PTPRD: variants seen among roughly 807,000 people sequenced by gnomAD.
The protein encoded by PTPRD is protein tyrosine phosphatase receptor type D.
PTPRD carries 34 observed loss-of-function variants against 214.5 expected under a neutral mutation model. That is an observed-to-expected ratio of 0.16 (90% CI 0.12 to 0.21). The LOEUF is 0.21. Ranked by LOEUF, PTPRD falls within the 10% of genes least tolerant of loss-of-function variation. The probability of loss-of-function intolerance (pLI) is 1.00; values close to 1 mark genes in which losing one functional copy is unlikely to be tolerated. For synonymous variants in PTPRD, 1,128 were observed against 845.7 expected (o/e 1.33, Z -5.79); for missense variants, 2,545 against 2,398.7 (o/e 1.06, Z -1.27).
intron 10 of PTPRD, among the ~76,000 whole-genome samples, chr9:9,042,343 C>T (rs1241190432): frequency 6.6e-6 from 1 of 152,142 alleles, no homozygotes; most frequent in Non-Finnish European, 1.5e-5. Context: ...CTAGGTCAAC[C>T]ACTATGGCTG....
In PTPRD at chr9:10,524,971, G is replaced by T. The variant is rs540745597; in HGVS notation, c.-600+87427C>A. 2.6e-5 allele frequency among the ~76,000 whole-genome samples: 4 copies of T among 151,552 alleles called. No individual in the cohort carries two copies. In the South Asian group the frequency reaches 8.3e-4, roughly 32 times the overall value. Reference sequence around the variant, plus strand: ...GTAATATATTCTTGGTGGGCTCATAGTAGGGTAGATCACAACACTAAGACC... The same window carrying T: ...GTAATATATTCTTGGTGGGCTCATATTAGGGTAGATCACAACACTAAGACC... On this transcript the variant is annotated intron_variant, in intron 2 of 45. Transcript: ENST00000381196.
At chr9:8,867,647 G>A (rs1371682285) in intron 11 of PTPRD, among the ~76,000 whole-genome samples, 1 of 152,234 alleles carries the variant, frequency 6.6e-6, no homozygotes, top group African/African-American at 2.4e-5. Context: ...GTGCTGGGTA[G>A]TGATGAGAAA....
rs571410964 is a variant in PTPRD at position 10,229,597 on chromosome 9, C to G, written c.-545+111366G>C. ...AGCTATCAGTCTCAGCACACTATCACAAGGACAAAAAACCAAACACCGCAT... is the reference window on the plus strand; with the variant it reads ...AGCTATCAGTCTCAGCACACTATCAGAAGGACAAAAAACCAAACACCGCAT... On this transcript the variant is annotated intron_variant, in intron 3 of 45. Coordinates refer to ENST00000381196, the MANE Select transcript of PTPRD (RefSeq NM_002839.4). 1.8e-4 allele frequency among the ~76,000 whole-genome samples: 27 copies of G among 150,890 alleles called. No individual in the cohort carries two copies. The East Asian group carries it at 5.3e-3, about 30-fold the overall frequency.
At chr9:10,295,912 G>T (rs616040) in intron 3 of PTPRD, among the ~76,000 whole-genome samples, 55,360 of 151,806 alleles carry the variant, frequency 0.36, 12,930 homozygotes, top group African/African-American at 0.64. Flanking sequence ...AGCAATTAAC[G>T]GCTTCCTCAG....
At chr9:9,503,663 G>A (rs918909047) in intron 8 of PTPRD, among the ~76,000 whole-genome samples, 1 of 151,762 alleles carries the variant, frequency 6.6e-6, no homozygotes, top group Non-Finnish European at 1.5e-5. Flanking sequence ...TGGTAGAAGT[G>A]TGTAAGTTCT....
At position 9,878,083 on chromosome 9, in the gene PTPRD, C is replaced by A. The variant is rs78282243; in HGVS notation, c.-368+60424G>T. 3.2e-3 allele frequency among the ~76,000 whole-genome samples: 486 copies of A among 151,920 alleles called. 3 individuals carry two copies. Among genetic ancestry groups the A allele is most frequent in the African/African-American group, 0.011 (445 of 41,406 alleles). ...CTGATTGTTTGATCAGATAAAGGAC[C>A]CTGCCAACTGTGGTAGAGATTAAAG... On this transcript the variant is annotated intron_variant, in intron 5 of 45. Transcript: ENST00000381196.
chr9:9,714,088 G>A (rs1170583661), intron 7 of PTPRD, among the ~76,000 whole-genome samples: 2 of 65,356 alleles, frequency 3.1e-5, no homozygotes, highest in African/African-American at 1.4e-4. Flanking sequence ...GTTCACTTGC[G>A]CAAAAAAAAA....
At chr9:8,718,814 T>C (rs1367680221) in intron 12 of PTPRD, among the ~76,000 whole-genome samples, 3 of 152,144 alleles carry the variant, frequency 2.0e-5, no homozygotes, top group African/African-American at 4.8e-5. Flanking sequence ...ACCTTCTCAT[T>C]CCCACCTCCC....
chr9:10,525,828 A>T (rs2054111035), intron 2 of PTPRD, among the ~76,000 whole-genome samples: 1 of 151,542 alleles, frequency 6.6e-6, no homozygotes, highest in Non-Finnish European at 1.5e-5. Flanking sequence ...CTCGCTTTCC[A>T]CTTTGTTTTT....
intron 10 of PTPRD, among the ~76,000 whole-genome samples, chr9:9,092,140 C>T (rs897502989): frequency 3.0e-4 from 46 of 152,114 alleles, no homozygotes; most frequent in African/African-American, 9.7e-4. Flanking sequence ...TACCAACATG[C>T]TACTGTTAAC....
intron 2 of PTPRD, among the ~76,000 whole-genome samples, chr9:10,556,890 C>G (rs1454336385): frequency 6.6e-6 from 1 of 152,008 alleles, no homozygotes; most frequent in Non-Finnish European, 1.5e-5. Context: ...GAAAAAAATG[C>G]TAACTTGGTT....
At chr9:8,361,117 G>A (rs1326118199) in intron 39 of PTPRD, among the ~76,000 whole-genome samples, 1 of 152,074 alleles carries the variant, frequency 6.6e-6, no homozygotes, top group Non-Finnish European at 1.5e-5. Flanking sequence ...AGATTAAATG[G>A]TCAACATACG....
At chr9:8,605,110 C>T (rs918023356) in intron 14 of PTPRD, among the ~76,000 whole-genome samples, 13 of 152,198 alleles carry the variant, frequency 8.5e-5, no homozygotes, top group African/African-American at 3.1e-4. Flanking sequence ...TGCTCCCAAC[C>T]CAACTGCCAC....
chr9:8,384,245 C>A lies in PTPRD; in HGVS notation c.4386+4987G>T, dbSNP rs138746685. 4.6e-3 allele frequency among the ~76,000 whole-genome samples: 707 copies of A among 152,250 alleles called. 3 individuals carry two copies. The highest frequency in any genetic ancestry group is 8.3e-3 in the Non-Finnish European group (566 of 68,022). ...TGCTTCATTTTTTCCAAACAGTTTC[C>A]TCCTTCCATGTGGTTGCCCAGACCA... On this transcript the variant is annotated intron_variant, in intron 37 of 45. Coordinates refer to ENST00000381196, the MANE Select transcript of PTPRD (RefSeq NM_002839.4).
chr9:9,235,057 T>C (rs2099965687), intron 9 of PTPRD, among the ~76,000 whole-genome samples: 1 of 152,178 alleles, frequency 6.6e-6, no homozygotes, highest in Non-Finnish European at 1.5e-5. Flanking sequence ...AAAAGAGGTT[T>C]AATTGACTCA....
chr9:8,731,147 C>T (rs574009452), intron 12 of PTPRD, among the ~76,000 whole-genome samples: 1 of 152,316 alleles, frequency 6.6e-6, no homozygotes, highest in South Asian at 2.1e-4. Flanking sequence ...TTTGCTATGA[C>T]ATTCTATACA....
intron 2 of PTPRD, among the ~76,000 whole-genome samples, chr9:10,562,903 CATAT>C (rs1202248372): frequency 6.6e-6 from 1 of 151,278 alleles, no homozygotes; most frequent in Non-Finnish European, 1.5e-5. Flanking sequence ...AAGCAAAAGC[CATAT>C]ATAGATACCC....
chr9:10,455,892 G>T (rs543549539), intron 2 of PTPRD, among the ~76,000 whole-genome samples: 3 of 151,830 alleles, frequency 2.0e-5, no homozygotes, highest in Admixed American at 2.0e-4. Context: ...TGACTGCTAG[G>T]AAATCACAAA....
chr9:10,389,185 GA>G (rs1376386905), intron 2 of PTPRD, among the ~76,000 whole-genome samples: 12 of 151,786 alleles, frequency 7.9e-5, no homozygotes, highest in African/African-American at 2.4e-4. Flanking sequence ...CCCTATTAAA[GA>G]GAATGGTAAC....
Sources: allele counts gnomAD v4.1 joint callset (sites outside exome capture counted in the v4.1 genomes callset), GRCh38; gene constraint gnomAD v4.1.1; transcripts MANE v1.5; gene names NCBI Gene and HGNC (gene_info 2026-07-23, HGNC 2026-07-21).